TRPM3: variants seen among roughly 807,000 people sequenced by gnomAD.
The protein encoded by TRPM3 is transient receptor potential cation channel subfamily M member 3, also known as long transient receptor potential channel 3.
A neutral mutation model predicts 181.2 loss-of-function variants in TRPM3; 77 were observed. The observed-to-expected ratio is 0.42, with a 90% CI of 0.35 to 0.51. The LOEUF (loss-of-function observed/expected upper bound fraction) is 0.51. TRPM3 is among the 20% of genes least tolerant of loss of function. The pLI, the probability that TRPM3 is intolerant of heterozygous loss-of-function variation, is 0.01. For synonymous variants in TRPM3, 745 were observed against 796.4 expected (o/e 0.94, Z 1.09); for missense variants, 1,759 against 2,196.7 (o/e 0.80, Z 3.98).
chr9:70,592,391 T>G (rs2058274310), intron 21 of TRPM3, among the ~76,000 whole-genome samples: 2 of 152,210 alleles, frequency 1.3e-5, no homozygotes, highest in Admixed American at 6.5e-5. Flanking sequence ...GAGTTCATAG[T>G]ATTTGTATCT....
At chr9:70,792,337 A>T (rs1170542465) in intron 6 of TRPM3, among the ~76,000 whole-genome samples, 2 of 152,046 alleles carry the variant, frequency 1.3e-5, no homozygotes, top group Non-Finnish European at 2.9e-5. Context: ...TGAGGAAGGT[A>T]AGCCAATGAA....
chr9:70,927,101 C>T (rs1391195891), intron 1 of TRPM3, among the ~76,000 whole-genome samples: 1 of 152,220 alleles, frequency 6.6e-6, no homozygotes, highest in East Asian at 1.9e-4. Context: ...AGGTTTTATA[C>T]TATATGTCAC....
intron 12 of TRPM3, among the ~76,000 whole-genome samples, chr9:70,634,804 C>G (rs909443009): frequency 2.0e-5 from 3 of 152,130 alleles, no homozygotes; most frequent in Admixed American, 2.0e-4. Flanking sequence ...TTACTACACT[C>G]TATGTAATGC....
At chr9:71,222,908 A>G (rs2080327735) in intron 1 of TRPM3, among the ~76,000 whole-genome samples, 1 of 152,158 alleles carries the variant, frequency 6.6e-6, no homozygotes, top group African/African-American at 2.4e-5. Context: ...AGTTTCAGCA[A>G]GCCTCACCAC....
chr9:70,754,226 A>G (rs890965703), intron 8 of TRPM3, among the ~76,000 whole-genome samples: 2 of 152,156 alleles, frequency 1.3e-5, no homozygotes, highest in Non-Finnish European at 2.9e-5. Flanking sequence ...CACTGTGTGC[A>G]TGGTCACCTG....
intron 5 of TRPM3, among the ~76,000 whole-genome samples, chr9:70,835,217 A>C (rs922465892): frequency 6.6e-6 from 1 of 152,156 alleles, no homozygotes; most frequent in Admixed American, 6.5e-5. Flanking sequence ...ACCCTGAGAC[A>C]AATAAACCTC....
At chr9:70,842,747 T>G (rs1310369468) in intron 5 of TRPM3, among the ~76,000 whole-genome samples, 1 of 152,124 alleles carries the variant, frequency 6.6e-6, no homozygotes, top group Non-Finnish European at 1.5e-5. Flanking sequence ...AGACCACTGC[T>G]TGATTTAAGC....
intron 25 of TRPM3, among the ~76,000 whole-genome samples, chr9:70,539,231 G>C (rs2042590094): frequency 6.6e-6 from 1 of 152,172 alleles, no homozygotes; most frequent in African/African-American, 2.4e-5. Flanking sequence ...TATTAGGGAA[G>C]CACATACACT....
chr9:70,954,462 G>A (rs1456394852), intron 1 of TRPM3, among the ~76,000 whole-genome samples: 1 of 152,104 alleles, frequency 6.6e-6, no homozygotes, highest in Non-Finnish European at 1.5e-5. Flanking sequence ...CTGTTTCCTT[G>A]TCTCTAAGAC....
At chr9:70,991,157 G>A (rs1278679080) in intron 1 of TRPM3, among the ~76,000 whole-genome samples, 1 of 151,998 alleles carries the variant, frequency 6.6e-6, no homozygotes, top group Non-Finnish European at 1.5e-5. Context: ...TCTTCATATT[G>A]CCTAGAGAAG....
In TRPM3 at chr9:70,599,858, G is replaced by T. The variant is rs139816977; in HGVS notation, c.2797-1188C>A. Among the ~76,000 whole-genome samples the T allele has an allele frequency of 7.4e-3, 1,121 of 152,246 alleles. 16 individuals carry two copies. The highest frequency in any genetic ancestry group is 0.026 in the African/African-American group (1,060 of 41,548). On this transcript the variant is annotated intron_variant, in intron 20 of 25. Transcript: ENST00000677713. The stretch of plus-strand genomic sequence containing the variant: ...TATGTGTGTATGAGTATGTGTGTCT[G>T]CCTATCAATCAATTGATCAATCATC...
At chr9:70,690,829 C>T (rs1292483849) in intron 8 of TRPM3, among the ~76,000 whole-genome samples, 1 of 152,100 alleles carries the variant, frequency 6.6e-6, no homozygotes, top group Non-Finnish European at 1.5e-5. Context: ...TTCTCTTTGG[C>T]GTAATTAAAG....
At chr9:70,590,530 G>A (rs911840435) in intron 22 of TRPM3, among the ~76,000 whole-genome samples, 4 of 152,246 alleles carry the variant, frequency 2.6e-5, no homozygotes, top group African/African-American at 9.6e-5. Flanking sequence ...GGGAAAGGGA[G>A]TTGGAGAATA....
intron 8 of TRPM3, among the ~76,000 whole-genome samples, chr9:70,747,352 T>C (rs2075348501): frequency 6.6e-6 from 1 of 152,136 alleles, no homozygotes; most frequent in Non-Finnish European, 1.5e-5. Flanking sequence ...TAATTGAATA[T>C]GACTAAAGAG....
intron 1 of TRPM3, among the ~76,000 whole-genome samples, chr9:71,233,498 T>C (rs915335617): frequency 2.0e-5 from 3 of 152,196 alleles, no homozygotes; most frequent in African/African-American, 7.2e-5. Context: ...GAAAATCTTA[T>C]ATTATTTTGC....
chr9:71,309,287 T>C (rs964343858), intron 1 of TRPM3, among the ~76,000 whole-genome samples: 1 of 152,190 alleles, frequency 6.6e-6, no homozygotes, highest in African/African-American at 2.4e-5. Context: ...TTGTTTCGTA[T>C]TCATGGCAGA....
intron 1 of TRPM3, among the ~76,000 whole-genome samples, chr9:70,952,634 A>G (rs932934749): frequency 9.2e-5 from 14 of 152,172 alleles, no homozygotes; most frequent in Admixed American, 6.6e-4. Flanking sequence ...AAGATGTGAT[A>G]AGGGATTGAA....
intron 2 of TRPM3, among the ~76,000 whole-genome samples, chr9:70,864,097 A>T (rs2095584982): frequency 6.6e-6 from 1 of 152,050 alleles, no homozygotes; most frequent in African/African-American, 2.4e-5. Flanking sequence ...TTCCTATTGC[A>T]GAACGTGTTG....
intron 1 of TRPM3, among the ~76,000 whole-genome samples, chr9:71,035,458 G>A (rs534197136): frequency 2.0e-5 from 3 of 152,356 alleles, no homozygotes; most frequent in Non-Finnish European, 4.4e-5. Context: ...GCTCATGCCT[G>A]TAATCCCAGC....
Sources: gnomAD v4.1 joint callset for allele counts (sites outside exome capture counted in the v4.1 genomes callset) on GRCh38, gnomAD v4.1.1 for gene constraint, MANE v1.5 for transcripts, NCBI Gene and HGNC (gene_info 2026-07-23, HGNC 2026-07-21) for gene names.